SORL1: variants seen among roughly 807,000 people sequenced by gnomAD.
The protein encoded by SORL1 is sortilin-related receptor.
Under a neutral mutation model 273.7 loss-of-function variants are expected in SORL1, and 127 were observed. The observed-to-expected ratio is 0.46, with a 90% CI of 0.40 to 0.54. The LOEUF is 0.54. Ranked by LOEUF, SORL1 falls within the 20% of genes least tolerant of loss-of-function variation. SORL1 has a pLI of 0.00. For synonymous variants in SORL1, 1,031 were observed against 1,067.4 expected (o/e 0.97, Z 0.66); for missense variants, 2,494 against 2,846.1 (o/e 0.88, Z 2.81).
chr11:121,493,445 T>C (rs1184285677), intron 5 of SORL1, among the ~76,000 whole-genome samples: 1 of 151,902 alleles, frequency 6.6e-6, no homozygotes, highest in Non-Finnish European at 1.5e-5. Context: ...TTAGTAGATA[T>C]GAAGTTTCAC....
In SORL1 at chr11:121,457,219, T is replaced by TA. The variant is rs147538268; in HGVS notation, c.285+4603_285+4604insA. Among the ~76,000 whole-genome samples the TA allele has an allele frequency of 4.4e-3, 673 of 152,136 alleles. 3 individuals carry two copies. Among genetic ancestry groups the TA allele is most frequent in the African/African-American group, 0.015 (615 of 41,482 alleles). ...TGGAGGCTTTGCGAGGGGGAAGGAA[T>TA]GGAGGAAAGGGGTTGGTGAGAAGAG... On this transcript the variant is annotated intron_variant, in intron 1 of 47. Transcript: ENST00000260197.
At chr11:121,458,450 A>G (rs776559303) in intron 1 of SORL1, among the ~76,000 whole-genome samples, 3 of 152,244 alleles carry the variant, frequency 2.0e-5, no homozygotes, top group Non-Finnish European at 2.9e-5. Flanking sequence ...GATGGAAAGT[A>G]AAAGAGAGCT....
At chr11:121,534,181 A>G (rs1299114469) in intron 12 of SORL1, among the ~76,000 whole-genome samples, 1 of 152,158 alleles carries the variant, frequency 6.6e-6, no homozygotes, top group Non-Finnish European at 1.5e-5. Context: ...GCTTCCTAGG[A>G]ATACATTTCA....
chr11:121,539,654 T>C (rs1184339490), intron 12 of SORL1, among the ~76,000 whole-genome samples: 3 of 152,158 alleles, frequency 2.0e-5, no homozygotes, highest in Non-Finnish European at 4.4e-5. Flanking sequence ...ATGTTGTTAT[T>C]CAAAGATTTT....
intron 2 of SORL1, among the ~76,000 whole-genome samples, chr11:121,471,581 A>C (rs144343078): frequency 6.6e-6 from 1 of 152,274 alleles, no homozygotes; most frequent in Non-Finnish European, 1.5e-5. Flanking sequence ...GGCCGGGGGA[A>C]CCTTCTGATG....
intron 1 of SORL1, among the ~76,000 whole-genome samples, chr11:121,457,294 A>T (rs1300928447): frequency 3.3e-5 from 5 of 152,204 alleles, no homozygotes; most frequent in Non-Finnish European, 4.4e-5. Context: ...CTGATTAGGT[A>T]ATGCACGTTT....
intron 31 of SORL1, among the ~76,000 whole-genome samples, chr11:121,591,517 G>T (rs899938008): frequency 1.1e-4 from 16 of 152,226 alleles, no homozygotes; most frequent in African/African-American, 3.9e-4. Flanking sequence ...TTTTGTGTGT[G>T]TATTAAACTC....
chr11:121,606,060 C>T (rs1424406232), intron 35 of SORL1, among the ~76,000 whole-genome samples: 2 of 152,160 alleles, frequency 1.3e-5, no homozygotes, highest in Admixed American at 6.5e-5. Context: ...ATAGCTGAGA[C>T]TATAGGTGTG....
At position 121,573,543 on chromosome 11, in the gene SORL1, G is replaced by A. The variant is rs187444880; in HGVS notation, c.3338-698G>A. On this transcript the variant is annotated intron_variant, in intron 23 of 47. Coordinates refer to ENST00000260197, the MANE Select transcript of SORL1 (RefSeq NM_003105.6). ...TGGAGAAATCGCTTGAACCTGGGAG[G>A]CGGAGGTTGCAGTGAGCCGAGATTG... is the stretch of plus-strand genomic sequence containing the variant. Among the ~76,000 whole-genome samples, 116 of 152,266 alleles carry A rather than the reference G, an allele frequency of 7.6e-4. 1 individual carries two copies. Among genetic ancestry groups the A allele is most frequent in the Non-Finnish European group, 2.8e-4 (19 of 68,004 alleles).
chr11:121,495,203 C>T (rs370151046), intron 5 of SORL1, among the ~76,000 whole-genome samples: 103 of 152,336 alleles, frequency 6.8e-4, no homozygotes, highest in African/African-American at 2.4e-3. Context: ...CCTCAGCCTC[C>T]TGAGTAGCTG....
chr11:121,590,922 C>T, intron 30 of SORL1, 79 bp from the exon 31 acceptor site: 1 of 1,527,116 alleles, frequency 6.5e-7, no homozygotes, highest in Non-Finnish European at 9.1e-7. Flanking sequence ...GGGACATCCG[C>T]ACTAGGTTTG....
intron 38 of SORL1, 158 bp from the exon 39 acceptor site, chr11:121,610,918 C>A (rs776898421): frequency 6.9e-6 from 4 of 576,776 alleles, no homozygotes; most frequent in Non-Finnish European, 9.3e-6. Context: ...TTCAGGAAAA[C>A]AGTGGTAAAA....
chr11:121,553,982 G>A lies in SORL1; in HGVS notation c.2312G>A (p.Arg771His), dbSNP rs367756479. 3.0e-5 allele frequency: 48 copies of A among 1,614,056 alleles called. No individual in the cohort carries two copies. Among genetic ancestry groups the A allele is most frequent in the East Asian group, 1.1e-4 (5 of 44,906 alleles). Residue 771 changes from arginine (R) to histidine (H), a missense_variant, in exon 17 of 48, where the codon CGC (arginine) becomes CAC (histidine). Transcript: ENST00000260197. The stretch of plus-strand genomic sequence containing the variant: ...TATGCTGTGAGGAAATCCATCTACC[G>A]CTATGACCTGGCCTCGGGAGCCACC... ...ILYAVRKSIY[R>H]YDLASGATEQ...
At chr11:121,489,230 A>G (rs758168411) in intron 4 of SORL1, among the ~76,000 whole-genome samples, 66 of 152,180 alleles carry the variant, frequency 4.3e-4, no homozygotes, top group Non-Finnish European at 8.4e-4. Flanking sequence ...GCGTGTTAAA[A>G]TACTCATAAC....
At chr11:121,536,495 G>T (rs1190952788) in intron 12 of SORL1, among the ~76,000 whole-genome samples, 1 of 142,586 alleles carries the variant, frequency 7.0e-6, no homozygotes, top group Non-Finnish European at 1.5e-5. Flanking sequence ...CCTCTTCCCA[G>T]ACTCAAGCGG....
At chr11:121,519,134 G>A (rs1026415677) in intron 8 of SORL1, among the ~76,000 whole-genome samples, 4 of 151,842 alleles carry the variant, frequency 2.6e-5, no homozygotes, top group African/African-American at 9.7e-5. Flanking sequence ...TATTAATAGA[G>A]ATGGGGTTTC....
At position 121,627,466 on chromosome 11, in the gene SORL1, C is replaced by A; in HGVS notation, c.6365-89C>A. 1 of 1,087,680 alleles carries A rather than the reference C, an allele frequency of 9.2e-7. No individual in the cohort carries two copies. 67.4% of individuals were successfully genotyped at this position (1,087,680 alleles called of 1,614,324 possible). On this transcript the variant is annotated intron_variant, in intron 46 of 47. Coordinates refer to ENST00000260197, the MANE Select transcript of SORL1 (RefSeq NM_003105.6). The surrounding 1 kb of genome is among the most constrained non-coding windows in gnomAD (Gnocchi z 4.9). ...TTGTGTAGCTGTGGCTATCGCCCAGCTTTTTTTGGTGGGTGGGGCCTTGAG... is the reference window on the plus strand; with the variant it reads ...TTGTGTAGCTGTGGCTATCGCCCAGATTTTTTTGGTGGGTGGGGCCTTGAG...
intron 47 of SORL1, chr11:121,629,201 G>A (rs1001425630): frequency 5.2e-6 from 2 of 387,738 alleles, no homozygotes; most frequent in Non-Finnish European, 9.3e-6. Flanking sequence ...TACCCACTTA[G>A]CTTTTGAGTA....
At position 121,522,950 on chromosome 11, in the gene SORL1, C is replaced by A; in HGVS notation, c.1557C>A (p.Asn519Lys). 6.2e-7 allele frequency: 1 copy of A among 1,613,908 alleles called. No individual in the cohort carries two copies. Among genetic ancestry groups the A allele is most frequent in the African/African-American group, 1.3e-5 (1 of 75,034 alleles). The change falls in exon 11 of 48, where the codon AAC (asparagine) becomes AAA (lysine). Residue 519 changes from asparagine (N) to lysine (K), a missense_variant. Asn to Lys is a moderately conservative substitution (Grantham distance 94). Transcript: ENST00000260197. ...SVGKNLASKT[N>K]VYISSSAGAR... ...GAAAGAACTTGGCTAGCAAGACAAA[C>A]GTGTACATCTCTAGCAGTGCTGGAG...
Sources: allele counts gnomAD v4.1 joint callset (sites outside exome capture counted in the v4.1 genomes callset), GRCh38; gene constraint gnomAD v4.1.1; non-coding constraint Gnocchi (gnomAD v3.1); transcripts MANE v1.5; gene names NCBI Gene and HGNC (gene_info 2026-07-23, HGNC 2026-07-21).